RDX: variants seen among roughly 807,000 people sequenced by gnomAD.
RDX encodes the protein deafness, autosomal recessive 24.
A neutral mutation model predicts 83.7 loss-of-function variants in RDX; 32 were observed. That is an observed-to-expected ratio of 0.38 (90% confidence interval 0.29 to 0.51). The LOEUF (loss-of-function observed/expected upper bound fraction) is 0.51, where lower values mean the gene tolerates loss of function less well. Ranked by LOEUF, RDX falls within the 20% of genes least tolerant of loss-of-function variation. RDX has a pLI of 0.87. For synonymous variants in RDX, 229 were observed against 222.7 expected (o/e 1.03, Z -0.25); for missense variants, 600 against 689.9 (o/e 0.87, Z 1.46).
At chr11:110,192,508 G>A (rs541073146) in intron 15 of RDX, among the ~76,000 whole-genome samples, 1 of 152,282 alleles carries the variant, frequency 6.6e-6, no homozygotes, top group African/African-American at 2.4e-5. Flanking sequence ...AGCAAAAATT[G>A]ACAAGTGGAA....
chr11:110,285,188 A>G (rs961501519), intron 1 of RDX, among the ~76,000 whole-genome samples: 3 of 151,784 alleles, frequency 2.0e-5, no homozygotes, highest in Non-Finnish European at 4.4e-5. Context: ...GGAGTTCGAG[A>G]CCAGTCTGGC....
chr11:110,268,264 G>A (rs1009907424), intron 3 of RDX, among the ~76,000 whole-genome samples: 1 of 148,454 alleles, frequency 6.7e-6, no homozygotes, highest in Non-Finnish European at 1.5e-5. Flanking sequence ...TTGAGCTATC[G>A]CACCACTGTA....
intron 1 of RDX, among the ~76,000 whole-genome samples, chr11:110,280,851 T>C (rs1484153861): frequency 6.7e-6 from 1 of 149,990 alleles, no homozygotes; most frequent in Non-Finnish European, 1.5e-5. Flanking sequence ...CAAAAAAATG[T>C]TATTGATTGC....
At chr11:110,220,830 T>C (rs1006070294) in intron 14 of RDX, among the ~76,000 whole-genome samples, 3 of 149,170 alleles carry the variant, frequency 2.0e-5, no homozygotes, top group Non-Finnish European at 3.0e-5. Flanking sequence ...TCAGACTATG[T>C]ATCTAATGTG....
intron 2 of RDX, among the ~76,000 whole-genome samples, chr11:110,274,324 T>C (rs1023533739): frequency 3.3e-5 from 5 of 152,194 alleles, no homozygotes; most frequent in African/African-American, 1.2e-4. Context: ...CTAACCTAAA[T>C]TTTGTTATTA....
Position 110,236,093 on chromosome 11 carries a change from G to T in RDX, c.1344+6C>A, listed in dbSNP as rs1206214013. 2 of 1,594,266 alleles carry T rather than the reference G, an allele frequency of 1.3e-6. No homozygotes were observed. Among genetic ancestry groups the T allele is most frequent in the Non-Finnish European group, 1.7e-6 (2 of 1,163,772 alleles). On this transcript the variant is annotated splice_donor_region_variant and intron_variant, in intron 12 of 13. Transcript: ENST00000645495. ...AATAAAAGCTAGTAAATGAATAAAT[G>T]ATTACTTTGTGTTGCCACTCAGTAG...
chr11:110,206,173 C>A (rs551950577), intron 14 of RDX, among the ~76,000 whole-genome samples: 6 of 147,470 alleles, frequency 4.1e-5, no homozygotes, highest in African/African-American at 1.5e-4. Flanking sequence ...AGGAGAATTG[C>A]TTGAACCCAG....
chr11:110,280,930 C>A (rs541342924), intron 1 of RDX, among the ~76,000 whole-genome samples: 1 of 152,046 alleles, frequency 6.6e-6, no homozygotes, highest in East Asian at 1.9e-4. Flanking sequence ...TTTGGGAGGC[C>A]GGGGCGGGAG....
chr11:110,179,903 C>CTTTTTTTT (rs528601645), intron 15 of RDX: 164 of 364,494 alleles, frequency 4.5e-4, no homozygotes, highest in Middle Eastern at 8.1e-4. Context: ...TTTCTTTTTT[C>CTTTTTTTT]TTTTTTTTTT....
At chr11:110,181,657 G>T (rs975749784) in intron 15 of RDX, 8 of 152,518 alleles carry the variant, frequency 5.2e-5, no homozygotes, top group Non-Finnish European at 1.0e-4. Flanking sequence ...GGCTTTGAAG[G>T]GTGGTCCCAG....
chr11:110,192,028 A>G (rs1247161382), intron 15 of RDX, among the ~76,000 whole-genome samples: 2 of 152,246 alleles, frequency 1.3e-5, no homozygotes, highest in South Asian at 2.1e-4. Context: ...CAGAATTAGA[A>G]AAAGCTATTC....
intron 15 of RDX, among the ~76,000 whole-genome samples, chr11:110,190,364 G>C (rs1173280585): frequency 6.6e-6 from 1 of 152,180 alleles, no homozygotes; most frequent in African/African-American, 2.4e-5. Context: ...TTGAACCCGG[G>C]AAGCAGAGGC....
chr11:110,217,081 A>G (rs573613855), intron 14 of RDX, among the ~76,000 whole-genome samples: 4 of 152,162 alleles, frequency 2.6e-5, no homozygotes, highest in Admixed American at 6.5e-5. Context: ...TGGCATTTGC[A>G]TCTACCATCT....
At chr11:110,242,606 G>C (rs1336346920) in intron 10 of RDX, among the ~76,000 whole-genome samples, 1 of 151,986 alleles carries the variant, frequency 6.6e-6, no homozygotes, top group Non-Finnish European at 1.5e-5. Context: ...TCAGCTTTTT[G>C]TAATAAAGGT....
chr11:110,211,537 T>G lies in RDX; in HGVS notation c.1749-11859A>C, dbSNP rs1347467865. Among the ~76,000 whole-genome samples the G allele has an allele frequency of 5.3e-5, 8 of 151,742 alleles. No homozygotes were observed. In the East Asian group the frequency reaches 1.5e-3, roughly 29 times the overall value. On this transcript the variant is annotated intron_variant, in intron 14 of 15. Coordinates refer to the RDX transcript ENST00000528498. The stretch of plus-strand genomic sequence containing the variant: ...CCAAATCAACAGAATATACTTTTTT[T>G]TCAGCACCACACCACACCTATTCCA...
chr11:110,235,551 C>T lies in RDX; in HGVS notation c.1344+548G>A, dbSNP rs181278164. On this transcript the variant is annotated intron_variant, in intron 12 of 13. Coordinates refer to ENST00000645495, the MANE Select transcript of RDX (RefSeq NM_002906.4). ...TATAAAATCATATCTGATCATGTTA[C>T]AATCCTGTTTTGAAATCTTCTAAGC... Among the ~76,000 whole-genome samples, 120 of 152,284 alleles carry T rather than the reference C, an allele frequency of 7.9e-4. 1 individual carries two copies. The highest frequency in any genetic ancestry group is 2.7e-3 in the African/African-American group (111 of 41,552).
At chr11:110,238,936 A>AC (rs756449674) in intron 10 of RDX, among the ~76,000 whole-genome samples, 19 of 133,162 alleles carry the variant, frequency 1.4e-4, no homozygotes, top group East Asian at 7.6e-4. Context: ...AAAAAAAAAA[A>AC]AAAAAACAAA....
chr11:110,249,216 G>C (rs1229162026), intron 9 of RDX, among the ~76,000 whole-genome samples: 1 of 152,134 alleles, frequency 6.6e-6, no homozygotes, highest in Non-Finnish European at 1.5e-5. Context: ...AATCAGTTAT[G>C]ATTTCATCTC....
intron 10 of RDX, among the ~76,000 whole-genome samples, chr11:110,242,458 T>TAA (rs1238291398): frequency 7.9e-6 from 1 of 126,016 alleles, no homozygotes; most frequent in Admixed American, 7.9e-5. Context: ...AAAAAAAAAT[T>TAA]AAAAAAAAAA....
Sources: gnomAD v4.1 joint callset for allele counts (sites outside exome capture counted in the v4.1 genomes callset) on GRCh38, gnomAD v4.1.1 for gene constraint, MANE v1.5 for transcripts, NCBI Gene and HGNC (gene_info 2026-07-23, HGNC 2026-07-21) for gene names.